Variants in STAU1 observed in about 807,000 individuals in gnomAD.
STAU1 encodes the protein double-stranded RNA-binding protein Staufen homolog 1.
In STAU1, 13 loss-of-function variants were observed where a neutral mutation model predicts 62.9. The observed-to-expected ratio is 0.21, with a 90% confidence interval of 0.13 to 0.33. STAU1 has a LOEUF of 0.33. Among genes scored for constraint, STAU1 ranks in the 10% least tolerant of loss-of-function variants. The pLI is 1.00. For synonymous variants in STAU1, 269 were observed against 265.1 expected, an observed-to-expected ratio of 1.01 and a Z score of -0.14; for missense variants, 571 against 712.1, an observed-to-expected ratio of 0.80 and a Z score of 2.25.
chr20:49,147,776 G>C (rs58711912), intron 5 of STAU1, among the ~76,000 whole-genome samples: 1 of 152,222 alleles, frequency 6.6e-6, no homozygotes, highest in African/African-American at 2.4e-5. Flanking sequence ...AAGTGCTTAG[G>C]TGTGTGCTGA....
chr20:49,181,749 G>C (rs932340969), intron 1 of STAU1, among the ~76,000 whole-genome samples: 3 of 113,090 alleles, frequency 2.7e-5, no homozygotes, highest in South Asian at 3.4e-4. Flanking sequence ...CTGGGCAACA[G>C]AGCAAGACTA....
the STAU1 span, among the ~76,000 whole-genome samples, chr20:49,195,918 G>GAAAAAAAAAAAAAAA: frequency 1.9e-4 from 14 of 74,392 alleles, no homozygotes; most frequent in South Asian, 1.4e-3. Context: ...AAAAAAAAAA[G>GAAAAAAAAAAAAAAA]AAAAAAGAAA....
At chr20:49,195,826 C>A in the STAU1 span, among the ~76,000 whole-genome samples, 4 of 144,776 alleles carry the variant, frequency 2.8e-5, no homozygotes, top group African/African-American at 1.0e-4. Context: ...TTGCTTGCAC[C>A]CAGGAGGCGG....
In STAU1 at chr20:49,161,410, C is replaced by CT. The variant is rs2093446262; in HGVS notation, c.205+4586dup. Among the ~76,000 whole-genome samples, 5 of 152,328 alleles carry CT rather than the reference C, an allele frequency of 3.3e-5. No homozygotes were observed. In the South Asian group the frequency reaches 1.0e-3, roughly 32 times the overall value. ...TGAAAAAAGAAGCAACTTCAAAAAT[C>CT]TATAATCTTGTCTAAGTATAGTTTT... is the stretch of plus-strand genomic sequence containing the variant. On this transcript the variant is annotated intron_variant, in intron 3 of 13. Coordinates refer to ENST00000371856, the MANE Select transcript of STAU1 (RefSeq NM_017453.4).
chr20:49,119,952 T>C (rs372754219), intron 9 of STAU1, 30 bp downstream of exon 9: 58 of 1,606,682 alleles, frequency 3.6e-5, no homozygotes, highest in Non-Finnish European at 4.7e-5. Context: ...CGAGAGACCA[T>C]CTTGCAATCA....
At position 49,113,894 on chromosome 20, in the gene STAU1, A is replaced by C. The variant is rs372089057; in HGVS notation, c.*984T>G. On this transcript the variant is annotated 3_prime_UTR_variant, in exon 14 of 14. Transcript: ENST00000371856. ...GTATAGATACACAATGTTTTTTAAT[A>C]ATCTTTAAAACAGAGATCAAAGTTC... 6.6e-6 allele frequency: 1 copy of C among 152,652 alleles called. No homozygotes were observed. The highest frequency in any genetic ancestry group is 2.4e-5 in the African/African-American group (1 of 41,460). 9.5% of individuals were successfully genotyped at this position (152,652 alleles called of 1,614,324 possible). A position where few individuals can be genotyped will look rare whatever the true frequency, so the allele number is the denominator to read the frequency against.
chr20:49,118,539 C>T, intron 9 of STAU1, 131 bp from the exon 10 acceptor site: 1 of 686,954 alleles, frequency 1.5e-6, no homozygotes, highest in Admixed American at 2.8e-5. Context: ...AAACCCTGCC[C>T]CACCTGACCA....
intron 5 of STAU1, 36 bp downstream of exon 5, chr20:49,151,546 G>A: frequency 6.5e-7 from 1 of 1,548,922 alleles, no homozygotes; most frequent in Non-Finnish European, 8.7e-7. Flanking sequence ...CTCCTACCCT[G>A]TCGAAGCGTC....
At chr20:49,120,920 G>A (rs1195477798) in intron 8 of STAU1, among the ~76,000 whole-genome samples, 3 of 151,960 alleles carry the variant, frequency 2.0e-5, no homozygotes, top group East Asian at 2.0e-4. Flanking sequence ...TCAGCCACCC[G>A]AGTAGCTGGG....
At chr20:49,149,870 C>G (rs2093210778) in intron 5 of STAU1, among the ~76,000 whole-genome samples, 1 of 152,240 alleles carries the variant, frequency 6.6e-6, no homozygotes, top group Non-Finnish European at 1.5e-5. Context: ...ACAACAGACT[C>G]AGCAGGCACC....
intron 9 of STAU1, 100 bp downstream of exon 9, chr20:49,119,882 G>A: frequency 2.9e-6 from 4 of 1,402,210 alleles, no homozygotes; most frequent in Non-Finnish European, 3.9e-6. Flanking sequence ...GAACTGTCAG[G>A]CAGATAAAGC....
At chr20:49,178,737 C>T (rs1480302900) in intron 1 of STAU1, among the ~76,000 whole-genome samples, 2 of 149,400 alleles carry the variant, frequency 1.3e-5, no homozygotes, top group Non-Finnish European at 3.0e-5. Context: ...AGTAACAGAG[C>T]GAGACTCTGC....
chr20:49,218,370 G>A, the STAU1 span, among the ~76,000 whole-genome samples: 9 of 150,760 alleles, frequency 6.0e-5, no homozygotes, highest in South Asian at 2.1e-4. Context: ...GACTACAGGC[G>A]CCCGCCACCA....
rs1426805397 is a variant in STAU1 at position 49,151,684 on chromosome 20, C to G, written c.408G>C (p.Gln136His). The G allele has an allele frequency of 4.3e-6, 7 of 1,611,896 alleles. No individual in the cohort carries two copies. Among genetic ancestry groups the G allele is most frequent in the Non-Finnish European group, 5.9e-6 (7 of 1,179,252 alleles). ...TTGTCTTTCCTTTGCCATTAAATTG[C>G]TGTCCTCCCACAGAAAGTTCCACTT... is the stretch of plus-strand genomic sequence containing the variant. ...LYQVELSVGG[Q>H]QFNGKGKTRQ... The change falls in exon 5 of 14, where the codon CAG becomes CAC. Residue 136 changes from glutamine to histidine, a missense_variant. Physicochemically the swap from Gln to His is conservative, Grantham distance 24. Around this residue, in one of 3 missense-constraint regions of STAU1, gnomAD observed 414 missense variants for 499.6 expected, o/e 0.83. Coordinates refer to ENST00000371856, the MANE Select transcript of STAU1 (RefSeq NM_017453.4).
At chr20:49,169,259 T>C (rs1259109992) in intron 2 of STAU1, among the ~76,000 whole-genome samples, 1 of 152,196 alleles carries the variant, frequency 6.6e-6, no homozygotes, top group African/African-American at 2.4e-5. Flanking sequence ...CTGATGCTAA[T>C]GTTTTAGCAC....
chr20:49,183,171 A>G (rs570365984), intron 1 of STAU1, among the ~76,000 whole-genome samples: 1 of 152,294 alleles, frequency 6.6e-6, no homozygotes, highest in Admixed American at 6.5e-5. Context: ...CCAGAAGTCA[A>G]TGTAAAATAA....
intron 8 of STAU1, among the ~76,000 whole-genome samples, chr20:49,120,898 G>A (rs1005488497): frequency 2.6e-5 from 4 of 151,992 alleles, no homozygotes; most frequent in African/African-American, 7.2e-5. Flanking sequence ...AGGTTCAAGC[G>A]ATTCTCCTGC....
the STAU1 span, among the ~76,000 whole-genome samples, chr20:49,211,106 T>A: frequency 2.0e-5 from 3 of 152,200 alleles, no homozygotes; most frequent in Non-Finnish European, 4.4e-5. Context: ...TTCTACTTAG[T>A]ATAATGTTTT....
chr20:49,202,493 G>T, the STAU1 span, among the ~76,000 whole-genome samples: 2 of 151,442 alleles, frequency 1.3e-5, no homozygotes, highest in African/African-American at 4.9e-5. Context: ...GAACCCAGGA[G>T]GTGGAGGCTG....
Sources: allele counts gnomAD v4.1 joint callset (sites outside exome capture counted in the v4.1 genomes callset), GRCh38; gene constraint gnomAD v4.1.1; regional missense constraint gnomAD v4.1.1; transcripts MANE v1.5; gene names NCBI Gene and HGNC (gene_info 2026-07-23, HGNC 2026-07-21).